ALAD: variants seen among roughly 807,000 people sequenced by gnomAD.
The protein encoded by ALAD is delta-aminolevulinic acid dehydratase.
A neutral mutation model predicts 44.4 loss-of-function variants in ALAD; 20 were observed. That is an observed-to-expected ratio of 0.45 (90% CI 0.32 to 0.65). The LOEUF is 0.65. Ranked by LOEUF, ALAD falls within the 30% of genes least tolerant of loss-of-function variation. ALAD has a pLI of 0.05. For missense variants in ALAD, 323 were observed against 445.7 expected (o/e 0.72, Z 2.48); for synonymous variants, 156 against 167.9 (o/e 0.93, Z 0.55).
chr9:113,388,452 G>T, intron 11 of ALAD, 91 bp from the exon 12 acceptor site: 2 of 1,240,074 alleles, frequency 1.6e-6, no homozygotes, highest in Non-Finnish European at 2.4e-6. Flanking sequence ...CGGGGAAGAA[G>T]GCTACCATGA....
Position 113,388,097 on chromosome 9 carries a change from G to A in ALAD, c.*203C>T, listed in dbSNP as rs1827454223. ...ACCCAGGGGAGGGGCGGGGAAGCTT[G>A]GGAGAGCTCATAGGATGCAGCTGCG... On this transcript the variant is annotated 3_prime_UTR_variant, in exon 12 of 12. Coordinates refer to ENST00000409155, the MANE Select transcript of ALAD (RefSeq NM_000031.6). The A allele has an allele frequency of 3.2e-6, 2 of 633,066 alleles. No homozygotes were observed. Among genetic ancestry groups the A allele is most frequent in the Middle Eastern group, 4.0e-4 (1 of 2,496 alleles). 39.2% of individuals were successfully genotyped at this position (633,066 alleles called of 1,614,324 possible).
chr9:113,390,835 A>G lies in ALAD; in HGVS notation c.360T>C (p.Asp120=), dbSNP rs34911357. 3.9e-4 allele frequency: 628 copies of G among 1,613,656 alleles called. 3 individuals carry two copies. In the African/African-American group the frequency reaches 7.3e-3, roughly 19 times the overall value. ...GGGAGGTGTAGGGACACAGGCAGACATCACAGGCCACCAGGAGGTTGGGGA... is the reference window on the plus strand; with the variant it reads ...GGGAGGTGTAGGGACACAGGCAGACGTCACAGGCCACCAGGAGGTTGGGGA... The part of the protein sequence containing the change: ...KTFPNLLVAC[D]VCLCPYTSHG... Residue 120 remains aspartate, a synonymous_variant, in exon 5 of 12, where the codon GAT becomes GAC. Coordinates refer to ENST00000409155, the MANE Select transcript of ALAD (RefSeq NM_000031.6).
At position 113,390,454 on chromosome 9, in the gene ALAD, C is replaced by T. The variant is rs750462706; in HGVS notation, c.521G>A (p.Arg174His). ...VVAPSDMMDG[R>H]VEAIKEALMA... Reference sequence around the variant, plus strand: ...CAGGGCCTCTTTGATGGCTTCCACGCGTCCATCCATCATGTCCGACGGGGC... The same window carrying T: ...CAGGGCCTCTTTGATGGCTTCCACGTGTCCATCCATCATGTCCGACGGGGC... Residue 174 changes from arginine (R) to histidine (H), a missense_variant, in exon 7 of 12, where the codon CGC (arginine) becomes CAC (histidine). Physicochemically the swap from Arg to His is conservative, Grantham distance 29 (BLOSUM62 0). Coordinates refer to ENST00000409155, the MANE Select transcript of ALAD (RefSeq NM_000031.6). 1.9e-6 allele frequency: 3 copies of T among 1,614,048 alleles called. No homozygotes were observed. Among genetic ancestry groups the T allele is most frequent in the South Asian group, 1.1e-5 (1 of 91,084 alleles).
chr9:113,393,389 T>TCCCCCAC, intron 2 of ALAD, 58 bp downstream of exon 2: 19 of 1,271,446 alleles, frequency 1.5e-5, no homozygotes, highest in Non-Finnish European at 2.1e-5. Context: ...CAACACTCCC[T>TCCCCCAC]CCCCAACCCC....
chr9:113,395,881 A>G (rs954434063), intron 1 of ALAD, among the ~76,000 whole-genome samples: 9 of 152,076 alleles, frequency 5.9e-5, no homozygotes, highest in South Asian at 4.1e-4. Context: ...AATGTGGTGA[A>G]ACTCCGTCTC....
chr9:113,393,402 C>CCCCCAA, intron 2 of ALAD, 45 bp downstream of exon 2: 2 of 1,498,896 alleles, frequency 1.3e-6, no homozygotes, highest in Non-Finnish European at 1.9e-6. Flanking sequence ...CCAACCCCAA[C>CCCCCAA]CCCAACCAGC....
chr9:113,390,283 A>T, intron 7 of ALAD, 122 bp downstream of exon 7: 4 of 1,032,484 alleles, frequency 3.9e-6, no homozygotes, highest in Non-Finnish European at 5.9e-6. Context: ...CAGCCTCCCA[A>T]AGTGCTGGGA....
At chr9:113,393,775 T>C in intron 1 of ALAD, 141 bp from the exon 2 acceptor site, 1 of 522,048 alleles carries the variant, frequency 1.9e-6, no homozygotes. Context: ...CAATCCCTGC[T>C]GGTCAACAAG....
intron 2 of ALAD, 119 bp from the exon 3 acceptor site, chr9:113,392,288 G>A (rs949940737): frequency 1.3e-6 from 2 of 1,589,516 alleles, no homozygotes; most frequent in Non-Finnish European, 1.7e-6. Flanking sequence ...ATGGTGGGAG[G>A]AGGATGGGAT....
At chr9:113,398,556 T>C (rs1023866629) in intron 1 of ALAD, among the ~76,000 whole-genome samples, 1 of 152,210 alleles carries the variant, frequency 6.6e-6, no homozygotes, top group Non-Finnish European at 1.5e-5. Context: ...GATCTGTTTT[T>C]GAATTTTAAG....
At chr9:113,389,180 G>T in intron 10 of ALAD, 74 bp from the exon 11 acceptor site, 1 of 1,588,858 alleles carries the variant, frequency 6.3e-7, no homozygotes, top group Non-Finnish European at 8.6e-7. Flanking sequence ...CTTCCCCCCT[G>T]CTCAATCTGT....
At position 113,389,522 on chromosome 9, in the gene ALAD, G is replaced by C; in HGVS notation, c.717C>G (p.Asp239Glu). The change falls in exon 10 of 12, where the codon GAC becomes GAG. Residue 239 changes from aspartate (D) to glutamate (E), a missense_variant and splice_region_variant. Physicochemically the swap from Asp to Glu is conservative, Grantham distance 45. Transcript: ENST00000409155. ...GARGLALRAVDRDVREGADML... is the reference protein window; with the variant it reads ...GARGLALRAVERDVREGADML... ...TGTCAGCTCCTTCCCGTACATCCCG[G>C]TCCTAAGGGATGAGGGTATAATGTG... The C allele has an allele frequency of 6.2e-7, 1 of 1,614,160 alleles. No individual in the cohort carries two copies.
At chr9:113,396,404 A>AG (rs1454040623) in intron 1 of ALAD, 1 of 151,900 alleles carries the variant, frequency 6.6e-6, no homozygotes, top group Non-Finnish European at 1.5e-5. Context: ...AAAAAAAAAA[A>AG]AAGAAAATGA....
intron 1 of ALAD, chr9:113,397,124 T>C (rs532962638): frequency 2.6e-5 from 4 of 152,282 alleles, no homozygotes; most frequent in Middle Eastern, 3.4e-3. Flanking sequence ...CTTTGGTAGG[T>C]TGGAGTCAAG....
At chr9:113,399,909 G>A (rs1397667534) in intron 1 of ALAD, among the ~76,000 whole-genome samples, 3 of 152,232 alleles carry the variant, frequency 2.0e-5, no homozygotes, top group African/African-American at 4.8e-5. Flanking sequence ...AGGCCCAGGA[G>A]AGCAGCTGTC....
At chr9:113,397,674 G>GAGTGC (rs1827768489) in intron 1 of ALAD, among the ~76,000 whole-genome samples, 1 of 144,308 alleles carries the variant, frequency 6.9e-6, no homozygotes, top group Non-Finnish European at 1.5e-5. Flanking sequence ...ACCCAAGCTG[G>GAGTGC]AGTGCAGTGG....
Position 113,399,873 on chromosome 9 carries a change from G to A in ALAD, c.-76+1339C>T, listed in dbSNP as rs188428706. ...GAGCCAGCTAGATAGAAGGTGGCCA[G>A]AACTGAGAAATCCAAAGCCCCACAA... is the stretch of plus-strand genomic sequence containing the variant. On this transcript the variant is annotated intron_variant, in intron 1 of 11. Transcript: ENST00000409155. Among the ~76,000 whole-genome samples the A allele has an allele frequency of 4.6e-4, 70 of 152,326 alleles. 2 individuals carry two copies. The highest frequency in any genetic ancestry group is 3.7e-3 in the South Asian group (18 of 4,834).
At chr9:113,397,602 G>A (rs1184020573) in intron 1 of ALAD, among the ~76,000 whole-genome samples, 1 of 151,006 alleles carries the variant, frequency 6.6e-6, no homozygotes, top group Admixed American at 6.6e-5. Flanking sequence ...ATGTCTGCCA[G>A]GAGTTTTTTT....
chr9:113,391,033 T>G, intron 4 of ALAD, 100 bp from the exon 5 acceptor site: 2 of 1,496,192 alleles, frequency 1.3e-6, no homozygotes, highest in South Asian at 2.4e-5. Context: ...TTCTCCTTCC[T>G]TCATCATCAC....
Sources: gnomAD v4.1 joint callset for allele counts (sites outside exome capture counted in the v4.1 genomes callset) on GRCh38, gnomAD v4.1.1 for gene constraint, MANE v1.5 for transcripts, NCBI Gene and HGNC (gene_info 2026-07-23, HGNC 2026-07-21) for gene names.